The following SLC39A11 variants were observed in gnomAD, a reference collection of about 807,000 sequenced individuals.
The protein encoded by SLC39A11 is solute carrier family 39 member 11, also known as zinc transporter ZIP11.
SLC39A11 carries 33 observed loss-of-function variants against 36.1 expected under a neutral mutation model. The ratio of observed to expected loss-of-function variants is 0.91; its 90% confidence interval spans 0.69 to 1.22. The LOEUF is 1.22. Among genes scored for constraint, SLC39A11 ranks in the 50% most tolerant of loss-of-function variants. The pLI is 0.00. For missense variants in SLC39A11, 432 were observed against 430.3 expected, an observed-to-expected ratio of 1.00 and a Z score of -0.03; for synonymous variants, 166 against 170.3, an observed-to-expected ratio of 0.97 and a Z score of 0.20.
intron 7 of SLC39A11, among the ~76,000 whole-genome samples, chr17:72,652,843 A>C (rs1598224107): frequency 6.6e-6 from 1 of 152,264 alleles, no homozygotes; most frequent in Non-Finnish European, 1.5e-5. Context: ...GTGCAACCTG[A>C]AGGCATTTCA....
At chr17:73,002,590 A>T (rs1296513819) in intron 4 of SLC39A11, among the ~76,000 whole-genome samples, 1 of 152,236 alleles carries the variant, frequency 6.6e-6, no homozygotes. Flanking sequence ...AATGGCACAG[A>T]GCAGAGAGCA....
At chr17:73,016,338 ATT>A (rs11293390) in intron 4 of SLC39A11, among the ~76,000 whole-genome samples, 8,618 of 144,802 alleles carry the variant, frequency 0.06, 271 homozygotes, top group East Asian at 0.075. Context: ...CAGAAAGTTG[ATT>A]TTTTTTTTTT....
In SLC39A11 at chr17:72,859,001, T is replaced by C. The variant is rs200168305; in HGVS notation, c.431-9197A>G. ...ATGCCCTGTATTTCTTTCTCTTGAC[T>C]GATTGCTTAGGCCAGGACTTCCATT... On this transcript the variant is annotated intron_variant, in intron 5 of 9. Transcript: ENST00000255559. Among the ~76,000 whole-genome samples, 27 of 152,346 alleles carry C rather than the reference T, an allele frequency of 1.8e-4. No individual in the cohort carries two copies. In the East Asian group the frequency reaches 4.1e-3, roughly 23 times the overall value.
intron 7 of SLC39A11, among the ~76,000 whole-genome samples, chr17:72,669,140 G>T (rs955913802): frequency 6.6e-6 from 1 of 152,186 alleles, no homozygotes; most frequent in Non-Finnish European, 1.5e-5. Context: ...AGTTATGCAG[G>T]AGAATGTTTT....
At chr17:72,727,292 C>G (rs953176495) in intron 7 of SLC39A11, among the ~76,000 whole-genome samples, 7 of 152,294 alleles carry the variant, frequency 4.6e-5, no homozygotes, top group Admixed American at 4.6e-4. Flanking sequence ...ATTCCCCAAG[C>G]ACATACGGTC....
chr17:72,655,193 C>T (rs933149759), intron 7 of SLC39A11, among the ~76,000 whole-genome samples: 2 of 152,270 alleles, frequency 1.3e-5, no homozygotes, highest in African/African-American at 2.4e-5. Context: ...TCATGCACAA[C>T]ACTGCCTAAC....
intron 6 of SLC39A11, among the ~76,000 whole-genome samples, chr17:72,802,151 C>A (rs563466449): frequency 6.6e-6 from 1 of 152,146 alleles, no homozygotes; most frequent in South Asian, 2.1e-4. Flanking sequence ...CGGGGTACGG[C>A]AAAGCCTGGG....
intron 3 of SLC39A11, among the ~76,000 whole-genome samples, chr17:73,047,750 T>A (rs1201065508): frequency 6.6e-6 from 1 of 151,434 alleles, no homozygotes; most frequent in Non-Finnish European, 1.5e-5. Context: ...GGCAGATCAC[T>A]TGAGGTCAGG....
chr17:72,832,006 AG>A (rs2078306178), intron 6 of SLC39A11, among the ~76,000 whole-genome samples: 2 of 152,342 alleles, frequency 1.3e-5, no homozygotes, highest in South Asian at 4.1e-4. Context: ...GTTGGAGAAT[AG>A]GGGAAGTTAC....
intron 4 of SLC39A11, among the ~76,000 whole-genome samples, chr17:72,975,383 G>A (rs1266839017): frequency 6.6e-6 from 1 of 152,190 alleles, no homozygotes; most frequent in African/African-American, 2.4e-5. Context: ...AGGTTGCAGT[G>A]AGCCGAGATT....
chr17:72,792,113 G>A (rs1260917401), intron 6 of SLC39A11, among the ~76,000 whole-genome samples: 1 of 152,180 alleles, frequency 6.6e-6, no homozygotes, highest in Non-Finnish European at 1.5e-5. Context: ...ACCTTAAATA[G>A]TATGAAAATA....
chr17:72,909,057 G>A (rs550553397), intron 5 of SLC39A11, among the ~76,000 whole-genome samples: 3 of 152,302 alleles, frequency 2.0e-5, no homozygotes, highest in African/African-American at 4.8e-5. Context: ...TCAGAGAACC[G>A]TTTCCTAAGA....
intron 7 of SLC39A11, among the ~76,000 whole-genome samples, chr17:72,729,333 G>A (rs967655733): frequency 1.5e-5 from 2 of 137,196 alleles, no homozygotes; most frequent in Non-Finnish European, 3.1e-5. Flanking sequence ...ACCTCCCTAG[G>A]CTCAGGTGGT....
At chr17:72,719,061 A>G (rs1443450393) in intron 7 of SLC39A11, among the ~76,000 whole-genome samples, 1 of 147,566 alleles carries the variant, frequency 6.8e-6, no homozygotes, top group African/African-American at 2.6e-5. Flanking sequence ...CAACATGGCA[A>G]AACCCCGAAT....
chr17:73,016,252 A>G (rs531009551), intron 4 of SLC39A11, among the ~76,000 whole-genome samples: 8 of 152,324 alleles, frequency 5.3e-5, no homozygotes, highest in African/African-American at 1.9e-4. Context: ...AGAATCTCCT[A>G]GACACCTGAT....
intron 4 of SLC39A11, among the ~76,000 whole-genome samples, chr17:73,024,864 A>ATTTTTTTTTT (rs1163840820): frequency 9.0e-3 from 879 of 97,706 alleles, no homozygotes; most frequent in East Asian, 0.037. Flanking sequence ...TGCCCAGCTA[A>ATTTTTTTTTT]TTTTTTTTTT....
chr17:72,827,202 T>G (rs2078064899), intron 6 of SLC39A11, among the ~76,000 whole-genome samples: 1 of 152,220 alleles, frequency 6.6e-6, no homozygotes, highest in Non-Finnish European at 1.5e-5. Context: ...TGGATGAATT[T>G]TAAAAACACT....
chr17:72,729,555 C>T (rs1312085589), intron 7 of SLC39A11, among the ~76,000 whole-genome samples: 9 of 143,328 alleles, frequency 6.3e-5, no homozygotes, highest in Non-Finnish European at 1.1e-4. Flanking sequence ...ATGTCAGCCT[C>T]CCAACATGCT....
intron 4 of SLC39A11, among the ~76,000 whole-genome samples, chr17:72,993,812 C>T (rs1047004741): frequency 1.3e-5 from 2 of 152,052 alleles, no homozygotes; most frequent in African/African-American, 4.8e-5. Context: ...TTTTCCTACC[C>T]TTGAAATTCC....
Sources: allele counts gnomAD v4.1 joint callset (sites outside exome capture counted in the v4.1 genomes callset), GRCh38; gene constraint gnomAD v4.1.1; transcripts MANE v1.5; gene names NCBI Gene and HGNC (gene_info 2026-07-23, HGNC 2026-07-21).